ADGRG3: variants seen among roughly 807,000 people sequenced by gnomAD.
ADGRG3 encodes G protein-coupled receptor 97.
A neutral mutation model predicts 54.3 loss-of-function variants in ADGRG3; 39 were observed. The observed-to-expected ratio is 0.72, with a 90% CI of 0.56 to 0.94. The LOEUF is 0.94. Ranked by LOEUF, ADGRG3 falls within the 40% of genes least tolerant of loss-of-function variation. The pLI, the probability that ADGRG3 is intolerant of heterozygous loss-of-function variation, is 0.00. For synonymous variants in ADGRG3, 312 were observed against 290.0 expected, an observed-to-expected ratio of 1.08 and a Z score of -0.77; for missense variants, 654 against 694.6, an observed-to-expected ratio of 0.94 and a Z score of 0.66.
chr16:57,683,832 G>T (rs566088470), intron 8 of ADGRG3, 100 bp from the exon 9 acceptor site: 2 of 887,354 alleles, frequency 2.3e-6, no homozygotes, highest in African/African-American at 1.7e-5. Context: ...GGCAGTGGGG[G>T]TGGAGAGCCA....
In ADGRG3 at chr16:57,684,212, G is replaced by A. The variant is rs774059439; in HGVS notation, c.1162G>A (p.Gly388Ser). 2 of 1,611,572 alleles carry A rather than the reference G, an allele frequency of 1.2e-6. No homozygotes were observed. Among genetic ancestry groups the A allele is most frequent in the South Asian group, 2.2e-5 (2 of 90,834 alleles). The change falls in exon 9 of 12, where the codon GGC (glycine) becomes AGC (serine). Residue 388 changes from glycine to serine, a missense_variant and splice_region_variant. Gly to Ser is a moderately conservative substitution (Grantham distance 56, BLOSUM62 0). Coordinates refer to ENST00000333493, the MANE Select transcript of ADGRG3 (RefSeq NM_170776.5). ...CCTGAAGCTGAGCCTGGTGGGCTGG[G>A]GTAGGTGCTGCCTGGATGGACAGAA... ...YFLKLSLVGWGLPALMVIGTG... is the reference protein window; with the variant it reads ...YFLKLSLVGWSLPALMVIGTG...
At chr16:57,668,134 C>T (rs2048085706), upstream of ADGRG3, 2 of 584,604 alleles carry the variant, frequency 3.4e-6, no homozygotes, top group Non-Finnish European at 6.1e-6. Context: ...TGCAGGTGGA[C>T]CCAGGGTGCG....
chr16:57,673,510 T>C, intron 2 of ADGRG3, 42 bp downstream of exon 2: 1 of 1,572,444 alleles, frequency 6.4e-7, no homozygotes, highest in Non-Finnish European at 8.7e-7. Flanking sequence ...CTGAAGCTGC[T>C]GGGAGGAGGA....
At chr16:57,670,433 C>G (rs576158214) in intron 1 of ADGRG3, among the ~76,000 whole-genome samples, 1 of 152,044 alleles carries the variant, frequency 6.6e-6, no homozygotes, top group Non-Finnish European at 1.5e-5. Flanking sequence ...ACAGCAGGGC[C>G]GGGATGGCAG....
At position 57,685,912 on chromosome 16, in the gene ADGRG3, T is replaced by C. The variant is rs1180709591; in HGVS notation, c.1526T>C (p.Phe509Ser). 2 of 1,613,796 alleles carry C rather than the reference T, an allele frequency of 1.2e-6. No homozygotes were observed. Among genetic ancestry groups the C allele is most frequent in the African/African-American group, 1.3e-5 (1 of 74,908 alleles). Reference sequence around the variant, plus strand: ...TCCACCGTCTACATCTTTGCACTTTTCAACTCCTTGCAAGGTGAGGCCCCT... The same window carrying C: ...TCCACCGTCTACATCTTTGCACTTTCCAACTCCTTGCAAGGTGAGGCCCCT... ...GLSTVYIFAL[F>S]NSLQGVFICC... The change falls in exon 11 of 12, where the codon TTC becomes TCC. Residue 509 changes from phenylalanine to serine, a missense_variant. Transcript: ENST00000333493.
Position 57,685,648 on chromosome 16 carries a change from G to T in ADGRG3, c.1262G>T (p.Trp421Leu). 6.2e-7 allele frequency: 1 copy of T among 1,613,716 alleles called. No individual in the cohort carries two copies. Residue 421 changes from tryptophan (W) to leucine (L), a missense_variant, in exon 11 of 12, where the codon TGG becomes TTG. Trp to Leu is a moderately conservative substitution (Grantham distance 61, BLOSUM62 -2). Transcript: ENST00000333493. ...ACAGCTGCCCCCTCCTCCAGATGCT[G>T]GTTCCGTGAAGGGACAACCATGTAC... ...RENRTSLELC[W>L]FREGTTMYAL... is the part of the protein sequence containing the mutation.
At chr16:57,670,821 T>C (rs1347144798) in intron 1 of ADGRG3, among the ~76,000 whole-genome samples, 1 of 151,820 alleles carries the variant, frequency 6.6e-6, no homozygotes, top group Non-Finnish European at 1.5e-5. Flanking sequence ...ATGTCTTTTT[T>C]GTCTTAATGA....
rs1418280801 is a variant in ADGRG3 at position 57,688,971 on chromosome 16, C to T, written c.*510C>T. The T allele has an allele frequency of 1.2e-5, 2 of 160,384 alleles. No homozygotes were observed. Among genetic ancestry groups the T allele is most frequent in the African/African-American group, 4.8e-5 (2 of 41,622 alleles). 9.9% of individuals were successfully genotyped at this position (160,384 alleles called of 1,614,324 possible). The stretch of plus-strand genomic sequence containing the variant: ...AGTTGATCCTCCCACCCAGTCTGCC[C>T]CTGGTCTCTGCCCATCCAATCAGAG... On this transcript the variant is annotated 3_prime_UTR_variant, in exon 12 of 12. Coordinates refer to ENST00000333493, the MANE Select transcript of ADGRG3 (RefSeq NM_170776.5).
rs2048088202 is a variant in ADGRG3 at position 57,668,354 on chromosome 16, A to T, written c.7A>T (p.Thr3Ser). 6.4e-7 allele frequency: 1 copy of T among 1,572,426 alleles called. No homozygotes were observed. Among genetic ancestry groups the T allele is most frequent in the South Asian group, 1.2e-5 (1 of 86,186 alleles). The change falls in exon 1 of 12, where the codon ACG (threonine) becomes TCG (serine). Residue 3 changes from threonine to serine, a missense_variant. Transcript: ENST00000333493. Reference sequence around the variant, plus strand: ...TGGGCAAGGCTGGCCAAGGATGGCGACGCCCAGGGGCCTGGGGGCCCTGCT... The same window carrying T: ...TGGGCAAGGCTGGCCAAGGATGGCGTCGCCCAGGGGCCTGGGGGCCCTGCT... Reference protein sequence around the residue: MATPRGLGALLLL... With the variant: MASPRGLGALLLL...
intron 11 of ADGRG3, among the ~76,000 whole-genome samples, chr16:57,687,400 T>C (rs2048495017): frequency 6.6e-6 from 1 of 152,134 alleles, no homozygotes; most frequent in South Asian, 2.1e-4. Context: ...TACAGGCACA[T>C]GCCACCATGC....
chr16:57,678,317 G>C lies in ADGRG3; in HGVS notation c.492+1G>C. On this transcript the variant is annotated splice_donor_variant, in intron 4 of 11. Coordinates refer to ENST00000333493, the MANE Select transcript of ADGRG3 (RefSeq NM_170776.5). LOFTEE classifies it high-confidence loss of function. Reference sequence around the variant, plus strand: ...CATTGGTCCAGGGACTCTCTTCAAGGTGAGGACTCAGGGAAGCTCCAAGGT... The same window carrying C: ...CATTGGTCCAGGGACTCTCTTCAAGCTGAGGACTCAGGGAAGCTCCAAGGT... 6.2e-7 allele frequency: 1 copy of C among 1,614,156 alleles called. No homozygotes were observed. The highest frequency in any genetic ancestry group is 8.5e-7 in the Non-Finnish European group (1 of 1,179,982).
chr16:57,682,089 T>G (rs1597775371), intron 8 of ADGRG3, among the ~76,000 whole-genome samples: 1 of 152,362 alleles, frequency 6.6e-6, no homozygotes, highest in East Asian at 1.9e-4. Context: ...CCCTGGCCCC[T>G]GACTTATGAG....
rs150741729 is a variant in ADGRG3 at position 57,685,792 on chromosome 16, G to A, written c.1406G>A (p.Arg469Gln). 2.6e-5 allele frequency: 42 copies of A among 1,614,190 alleles called. No individual in the cohort carries two copies. Among genetic ancestry groups the A allele is most frequent in the Non-Finnish European group, 3.3e-5 (39 of 1,180,040 alleles). ...TCCCGTGCTACAGCGGTCAAGGAGC[G>A]GGGGAAGAACCGGAAGAAGGTGCTC... ...TLSRATAVKE[R>Q]GKNRKKVLTL... The change falls in exon 11 of 12, where the codon CGG (arginine) becomes CAG (glutamine). Residue 469 changes from arginine (R) to glutamine (Q), a missense_variant. Coordinates refer to ENST00000333493, the MANE Select transcript of ADGRG3 (RefSeq NM_170776.5).
At chr16:57,688,228 G>T in intron 11 of ADGRG3, 124 bp from the exon 12 acceptor site, 1 of 677,082 alleles carries the variant, frequency 1.5e-6, no homozygotes, top group Non-Finnish European at 2.7e-6. Context: ...TTGCATTTTT[G>T]CCTTTCCCAG....
intron 11 of ADGRG3, chr16:57,686,885 A>G (rs2290179): frequency 0.35 from 52,621 of 152,168 alleles, 9,499 homozygotes; most frequent in African/African-American, 0.45. Context: ...CCTTCCTCTG[A>G]GATCCCAGCA....
chr16:57,688,383 T>C lies in ADGRG3; in HGVS notation c.1572T>C (p.Leu524=). ...TCATCTGCTGCTGGTTCACCATCCTTTACCTCCCAAGTCAGAGCACCACAG... is the reference window on the plus strand; with the variant it reads ...TCATCTGCTGCTGGTTCACCATCCTCTACCTCCCAAGTCAGAGCACCACAG... ...GVFICCWFTI[L]YLPSQSTTVS... is the part of the protein sequence containing the mutation. Residue 524 remains leucine, a synonymous_variant, in exon 12 of 12, where the codon CTT becomes CTC. Coordinates refer to ENST00000333493, the MANE Select transcript of ADGRG3 (RefSeq NM_170776.5). The C allele has an allele frequency of 2.5e-6, 4 of 1,613,488 alleles. No individual in the cohort carries two copies. Among genetic ancestry groups the C allele is most frequent in the Non-Finnish European group, 1.7e-6 (2 of 1,179,468 alleles).
chr16:57,673,606 A>G (rs2048202446), intron 2 of ADGRG3, 138 bp downstream of exon 2: 1 of 757,660 alleles, frequency 1.3e-6, no homozygotes, highest in Admixed American at 2.9e-5. Context: ...TTGACACCAC[A>G]GTCCCCCTGA....
At position 57,685,798 on chromosome 16, in the gene ADGRG3, A is replaced by T; in HGVS notation, c.1412A>T (p.Lys471Met). Residue 471 changes from lysine (K) to methionine (M), a missense_variant, in exon 11 of 12, where the codon AAG becomes ATG. By Grantham distance (95) the Lys-to-Met change is moderately conservative (BLOSUM62 -1). Transcript: ENST00000333493. ...GCTACAGCGGTCAAGGAGCGGGGGA[A>T]GAACCGGAAGAAGGTGCTCACCCTG... ...SRATAVKERG[K>M]NRKKVLTLLG... The T allele has an allele frequency of 6.2e-7, 1 of 1,614,204 alleles. No individual in the cohort carries two copies. The highest frequency in any genetic ancestry group is 8.5e-7 in the Non-Finnish European group (1 of 1,180,038).
intron 3 of ADGRG3, among the ~76,000 whole-genome samples, chr16:57,677,876 C>T (rs1337089207): frequency 2.0e-5 from 3 of 152,254 alleles, no homozygotes; most frequent in Non-Finnish European, 4.4e-5. Context: ...CAGCCGTCCT[C>T]ATACTTGCAC....
Sources: allele counts gnomAD v4.1 joint callset (sites outside exome capture counted in the v4.1 genomes callset), GRCh38; gene constraint gnomAD v4.1.1; transcripts MANE v1.5; gene names NCBI Gene and HGNC (gene_info 2026-07-23, HGNC 2026-07-21).